The following TOPAZ1 variants were observed in gnomAD, a reference collection of about 807,000 sequenced individuals.
TOPAZ1 encodes protein TOPAZ1.
Under a neutral mutation model 172.2 loss-of-function variants are expected in TOPAZ1, and 66 were observed. The ratio of observed to expected loss-of-function variants is 0.38; its 90% CI spans 0.31 to 0.47. The LOEUF is 0.47. Ranked by LOEUF, TOPAZ1 falls within the 20% of genes least tolerant of loss-of-function variation. The pLI, the probability that TOPAZ1 is intolerant of heterozygous loss-of-function variation, is 0.99. For missense variants in TOPAZ1, 1,822 were observed against 1,972.4 expected (o/e 0.92, Z 1.44); for synonymous variants, 681 against 683.9 (o/e 1.00, Z 0.07).
At chr3:44,257,214 A>T (rs1699715246) in intron 4 of TOPAZ1, among the ~76,000 whole-genome samples, 1 of 151,708 alleles carries the variant, frequency 6.6e-6, no homozygotes, top group African/African-American at 2.4e-5. Context: ...ATCCACCTGT[A>T]GTCCCAGCTA....
intron 12 of TOPAZ1, among the ~76,000 whole-genome samples, chr3:44,294,761 A>G (rs1011683903): frequency 6.6e-6 from 1 of 152,166 alleles, no homozygotes; most frequent in Admixed American, 6.5e-5. Flanking sequence ...CTGCTTCAGC[A>G]TCCCAAAATA....
At chr3:44,272,051 T>C (rs1454989901) in intron 8 of TOPAZ1, among the ~76,000 whole-genome samples, 1 of 152,164 alleles carries the variant, frequency 6.6e-6, no homozygotes, top group East Asian at 1.9e-4. Flanking sequence ...TTCTCCAGTC[T>C]ATCTGTGTTA....
intron 12 of TOPAZ1, among the ~76,000 whole-genome samples, chr3:44,302,102 A>G (rs923258756): frequency 2.0e-5 from 3 of 152,180 alleles, no homozygotes; most frequent in African/African-American, 7.2e-5. Context: ...CAACTTTTCC[A>G]ACAACATGTA....
At chr3:44,318,557 G>A (rs1455758662) in intron 16 of TOPAZ1, among the ~76,000 whole-genome samples, 1 of 151,910 alleles carries the variant, frequency 6.6e-6, no homozygotes, top group Non-Finnish European at 1.5e-5. Context: ...CAACAACTCA[G>A]AATTCGACTT....
chr3:44,296,341 T>C (rs1439912880), intron 12 of TOPAZ1, among the ~76,000 whole-genome samples: 3 of 151,074 alleles, frequency 2.0e-5, no homozygotes, highest in Non-Finnish European at 2.9e-5. Context: ...TCAATGAAGC[T>C]GAAAACAAAA....
intron 16 of TOPAZ1, among the ~76,000 whole-genome samples, chr3:44,316,731 T>G (rs1342655165): frequency 6.6e-6 from 1 of 152,216 alleles, no homozygotes; most frequent in Admixed American, 6.5e-5. Context: ...TGTTCTTCAA[T>G]TTTTTCATTT....
At position 44,243,807 on chromosome 3, in the gene TOPAZ1, C is replaced by T. The variant is rs373298781; in HGVS notation, c.1301C>T (p.Pro434Leu). 224 of 1,551,652 alleles carry T rather than the reference C, an allele frequency of 1.4e-4. No individual in the cohort carries two copies. Among genetic ancestry groups the T allele is most frequent in the African/African-American group, 6.7e-4 (49 of 73,112 alleles). The change falls in exon 2 of 20, where the codon CCG (proline) becomes CTG (leucine). Residue 434 changes from proline (P) to leucine (L), a missense_variant. By Grantham distance (98) the Pro-to-Leu change is moderately conservative (BLOSUM62 -3). Transcript: ENST00000309765. ...LKEETENASE[P>L]LGYESMASKE... ...GAAGAAACAGAGAATGCTTCAGAGCCGTTAGGTTATGAAAGCATGGCATCG... is the reference window on the plus strand; with the variant it reads ...GAAGAAACAGAGAATGCTTCAGAGCTGTTAGGTTATGAAAGCATGGCATCG...
At position 44,328,497 on chromosome 3, in the gene TOPAZ1, G is replaced by C; in HGVS notation, c.4859+64G>C. On this transcript the variant is annotated intron_variant, in intron 19 of 19. Transcript: ENST00000309765. ...TCATGACTCCCCACACCCACCCTAA[G>C]ATGTAAATGTTTTATGTGTTTTTAT... The C allele has an allele frequency of 2.2e-6, 2 of 889,474 alleles. 1 individual carries two copies. Among genetic ancestry groups the C allele is most frequent in the South Asian group, 3.8e-5 (2 of 52,062 alleles). 55.1% of individuals were successfully genotyped at this position (889,474 alleles called of 1,614,324 possible).
intron 19 of TOPAZ1, 48 bp from the exon 20 acceptor site, chr3:44,331,744 T>C: frequency 7.5e-7 from 1 of 1,339,612 alleles, no homozygotes; most frequent in South Asian, 1.3e-5. Context: ...GAAGAAACTA[T>C]ATAGCTTTTT....
In TOPAZ1 at chr3:44,309,874, G is replaced by A. The variant is rs1700379143; in HGVS notation, c.4190G>A (p.Ser1397Asn). The A allele has an allele frequency of 6.5e-7, 1 of 1,546,806 alleles. No individual in the cohort carries two copies. The highest frequency in any genetic ancestry group is 2.4e-5 in the East Asian group (1 of 40,882). Reference sequence around the variant, plus strand: ...TATGAATTAAAAATACACTTTACAAGTTTAAAAGGACTTATAGGGCCTGAG... The same window carrying A: ...TATGAATTAAAAATACACTTTACAAATTTAAAAGGACTTATAGGGCCTGAG... Reference protein sequence around the residue: ...KLYELKIHFTSLKGLIGPEKL... With the variant: ...KLYELKIHFTNLKGLIGPEKL... The change falls in exon 16 of 20, where the codon AGT (serine) becomes AAT (asparagine). Residue 1397 changes from serine (S) to asparagine (N), a missense_variant. Coordinates refer to ENST00000309765, the MANE Select transcript of TOPAZ1 (RefSeq NM_001145030.2).
At chr3:44,251,580 G>A (rs1157344247) in intron 2 of TOPAZ1, among the ~76,000 whole-genome samples, 8 of 152,190 alleles carry the variant, frequency 5.3e-5, no homozygotes, top group East Asian at 3.9e-4. Context: ...ATAGGTTTAC[G>A]AAAACAATTA....
intron 13 of TOPAZ1, among the ~76,000 whole-genome samples, chr3:44,304,501 G>A (rs1429755590): frequency 6.6e-6 from 1 of 152,024 alleles, no homozygotes; most frequent in East Asian, 1.9e-4. Flanking sequence ...TAAGAAATGA[G>A]GACCTTCAGG....
At chr3:44,274,406 AAAAAG>A (rs141902868) in intron 8 of TOPAZ1, among the ~76,000 whole-genome samples, 19,562 of 149,368 alleles carry the variant, frequency 0.13, 1,589 homozygotes, top group African/African-American at 0.23. Context: ...CTCTCAAAAA[AAAAAG>A]AAAAGAAAAG....
rs1284065659 is a variant in TOPAZ1 at position 44,323,285 on chromosome 3, C to T, written c.4665C>T (p.Ala1555=). 6.5e-7 allele frequency: 1 copy of T among 1,540,000 alleles called. No individual in the cohort carries two copies. Among genetic ancestry groups the T allele is most frequent in the South Asian group, 1.2e-5 (1 of 81,718 alleles). ...GRSRLWLKAR[A]HYKSALSLGC... ...GTCGTTTATGGCTCAAAGCCAGAGC[C>T]CACTACAAAAGTAAGTTACATTTAA... The change falls in exon 18 of 20, where the codon GCC becomes GCT. Residue 1555 remains alanine, a synonymous_variant. Transcript: ENST00000309765.
At chr3:44,297,137 C>A (rs1700208397) in intron 12 of TOPAZ1, among the ~76,000 whole-genome samples, 1 of 145,262 alleles carries the variant, frequency 6.9e-6, no homozygotes, top group Admixed American at 7.1e-5. Context: ...AACCATTGCA[C>A]TCCAGCCTGG....
intron 8 of TOPAZ1, among the ~76,000 whole-genome samples, chr3:44,273,391 A>C (rs1454012748): frequency 6.6e-6 from 1 of 152,216 alleles, no homozygotes; most frequent in Non-Finnish European, 1.5e-5. Context: ...TAATATAGCA[A>C]GAGCCAGAGT....
chr3:44,261,947 C>A (rs1297143591), intron 4 of TOPAZ1, among the ~76,000 whole-genome samples: 7 of 152,068 alleles, frequency 4.6e-5, no homozygotes, highest in Admixed American at 4.6e-4. Flanking sequence ...AATATTTGAA[C>A]ATGTATAACC....
intron 9 of TOPAZ1, among the ~76,000 whole-genome samples, chr3:44,282,843 T>C (rs946486981): frequency 6.6e-6 from 1 of 152,142 alleles, no homozygotes; most frequent in Non-Finnish European, 1.5e-5. Flanking sequence ...CCCCAAGGAT[T>C]AAAGGAAACA....
chr3:44,269,408 C>T, intron 7 of TOPAZ1, 107 bp downstream of exon 7: 2 of 556,012 alleles, frequency 3.6e-6, no homozygotes, highest in South Asian at 2.1e-5. Flanking sequence ...CTTTTATCCT[C>T]CCCTTAAAAA....
Sources: allele counts gnomAD v4.1 joint callset (sites outside exome capture counted in the v4.1 genomes callset), GRCh38; gene constraint gnomAD v4.1.1; transcripts MANE v1.5; gene names NCBI Gene and HGNC (gene_info 2026-07-23, HGNC 2026-07-21).